TAF1A: variants seen among roughly 807,000 people sequenced by gnomAD.
The protein encoded by TAF1A is TATA box-binding protein-associated factor RNA polymerase I subunit A.
Under a neutral mutation model 61.6 loss-of-function variants are expected in TAF1A, and 42 were observed. The observed-to-expected ratio is 0.68, with a 90% CI of 0.53 to 0.88. TAF1A has a LOEUF of 0.88. Ranked by LOEUF, TAF1A falls within the 40% of genes least tolerant of loss-of-function variation. The probability of loss-of-function intolerance (pLI) is 0.00; values close to 1 mark genes in which losing one functional copy is unlikely to be tolerated. For synonymous variants in TAF1A, 179 were observed against 177.7 expected (o/e 1.01, Z -0.06); for missense variants, 424 against 518.7 (o/e 0.82, Z 1.77).
chr1:222,575,753 C>CTCTTAG (rs1660546362), intron 5 of TAF1A, among the ~76,000 whole-genome samples: 1 of 152,168 alleles, frequency 6.6e-6, no homozygotes, highest in Non-Finnish European at 1.5e-5. Flanking sequence ...GGTGAATGAT[C>CTCTTAG]ATCTAAGAGC....
intron 5 of TAF1A, among the ~76,000 whole-genome samples, chr1:222,571,110 A>C (rs1660331634): frequency 6.6e-6 from 1 of 152,188 alleles, no homozygotes; most frequent in African/African-American, 2.4e-5. Flanking sequence ...TCTAAACCAA[A>C]TCAAAAGAAT....
chr1:222,580,504 C>A (rs934176788), intron 3 of TAF1A, among the ~76,000 whole-genome samples: 2 of 152,152 alleles, frequency 1.3e-5, no homozygotes, highest in Non-Finnish European at 2.9e-5. Flanking sequence ...ATAATACCAA[C>A]TTCAAAGTAA....
At chr1:222,568,181 G>GAA (rs34547178) in intron 7 of TAF1A, among the ~76,000 whole-genome samples, 1 of 119,398 alleles carries the variant, frequency 8.4e-6, no homozygotes. Context: ...AACACATCTA[G>GAA]AAAAAAAAAA....
At chr1:222,563,400 T>C (rs1659991830) in intron 8 of TAF1A, 104 bp from the exon 9 acceptor site, 3 of 1,244,024 alleles carry the variant, frequency 2.4e-6, no homozygotes, top group Non-Finnish European at 3.3e-6. Context: ...TTTACATATA[T>C]GTTGTTGATA....
intron 3 of TAF1A, among the ~76,000 whole-genome samples, chr1:222,583,380 T>C (rs530241102): frequency 5.3e-5 from 8 of 150,106 alleles, no homozygotes; most frequent in Admixed American, 5.3e-4. Flanking sequence ...CATTGAATTG[T>C]ACAATTTAAG....
At chr1:222,555,560 G>C (rs1659715703), downstream of TAF1A, among the ~76,000 whole-genome samples, 1 of 152,100 alleles carries the variant, frequency 6.6e-6, no homozygotes. Context: ...TGAGGGAAGG[G>C]GGAAATGGAG....
intron 5 of TAF1A, among the ~76,000 whole-genome samples, chr1:222,575,544 C>G (rs1175596543): frequency 6.6e-6 from 1 of 152,024 alleles, no homozygotes; most frequent in African/African-American, 2.4e-5. Context: ...GAGACAGATC[C>G]CTGAGTATAA....
intron 10 of TAF1A, 102 bp downstream of exon 10, chr1:222,561,262 T>C: frequency 1.6e-6 from 2 of 1,233,258 alleles, no homozygotes; most frequent in Non-Finnish European, 2.2e-6. Context: ...GCACCTAATA[T>C]TTTTAGGTAC....
chr1:222,589,320 C>CG (rs1661156400), intron 1 of TAF1A, among the ~76,000 whole-genome samples: 2 of 152,218 alleles, frequency 1.3e-5, no homozygotes, highest in African/African-American at 2.4e-5. Context: ...CAGCACTACT[C>CG]TAGTTCAAGA....
intron 6 of TAF1A, among the ~76,000 whole-genome samples, chr1:222,570,046 A>G (rs1427113523): frequency 1.3e-5 from 2 of 152,204 alleles, no homozygotes; most frequent in African/African-American, 2.4e-5. Context: ...CAACACAATT[A>G]TCAACTTGCC....
At chr1:222,557,197 G>A (rs1659740151), downstream of TAF1A, among the ~76,000 whole-genome samples, 1 of 152,170 alleles carries the variant, frequency 6.6e-6, no homozygotes, top group African/African-American at 2.4e-5. Flanking sequence ...AGTCTTCATG[G>A]AACTCAATTA....
At chr1:222,560,521 T>C (rs978136640) in intron 10 of TAF1A, among the ~76,000 whole-genome samples, 4 of 152,180 alleles carry the variant, frequency 2.6e-5, no homozygotes, top group Non-Finnish European at 5.9e-5. Context: ...ATAATTGTGC[T>C]AGATGCCGCT....
rs112748846 is a variant in TAF1A, at chr1:222,560,964, C to T, written c.1240+400G>A. 2.8e-4 allele frequency among the ~76,000 whole-genome samples: 42 copies of T among 152,146 alleles called. No individual in the cohort carries two copies. The East Asian group carries it at 6.2e-3, about 22-fold the overall frequency. ...TCTCTTAAGTGGAGGAAATGTTTCA[C>T]GCTTACAGAAACAGGTAAGTAAATA... On this transcript the variant is annotated intron_variant, in intron 10 of 10. Coordinates refer to ENST00000352967, the MANE Select transcript of TAF1A (RefSeq NM_005681.4).
Position 222,570,677 on chromosome 1 carries a change from TAC to T in TAF1A, c.605-14_605-13del. The T allele has an allele frequency of 1.3e-6, 2 of 1,582,186 alleles. No homozygotes were observed. Among genetic ancestry groups the T allele is most frequent in the Non-Finnish European group, 1.7e-6 (2 of 1,160,488 alleles). On this transcript the variant is annotated splice_polypyrimidine_tract_variant and intron_variant, in intron 5 of 10. Coordinates refer to ENST00000352967, the MANE Select transcript of TAF1A (RefSeq NM_005681.4). ...ATAATCATCCTTATCTGCCCAAAGA[TAC>T]AAGATCTTTTAACATTCATTAAACA...
intron 7 of TAF1A, among the ~76,000 whole-genome samples, chr1:222,564,327 A>C (rs1660034996): frequency 1.3e-5 from 2 of 151,488 alleles, no homozygotes; most frequent in Admixed American, 6.6e-5. Context: ...AAAAAAAAAA[A>C]AAAAAAAAAG....
At chr1:222,562,828 G>A (rs1659968473) in intron 9 of TAF1A, among the ~76,000 whole-genome samples, 1 of 152,082 alleles carries the variant, frequency 6.6e-6, no homozygotes, top group South Asian at 2.1e-4. Context: ...CTTCCCATGT[G>A]ATCTTACAAG....
chr1:222,568,004 A>G (rs1243586088), intron 7 of TAF1A, among the ~76,000 whole-genome samples: 1 of 152,152 alleles, frequency 6.6e-6, no homozygotes, highest in Non-Finnish European at 1.5e-5. Context: ...CTTCATATAC[A>G]GCCTACTGGT....
chr1:222,567,680 C>T (rs1375544154), intron 7 of TAF1A, among the ~76,000 whole-genome samples: 1 of 152,122 alleles, frequency 6.6e-6, no homozygotes, highest in Admixed American at 6.6e-5. Flanking sequence ...TCTATAGATT[C>T]AAAATCTCAG....
chr1:222,565,254 T>C (rs1660069957), intron 7 of TAF1A, among the ~76,000 whole-genome samples: 1 of 152,236 alleles, frequency 6.6e-6, no homozygotes, highest in African/African-American at 2.4e-5. Context: ...GTCAGATCTT[T>C]TCACCAATTC....
Sources: allele counts gnomAD v4.1 joint callset (sites outside exome capture counted in the v4.1 genomes callset), GRCh38; gene constraint gnomAD v4.1.1; transcripts MANE v1.5; gene names NCBI Gene and HGNC (gene_info 2026-07-23, HGNC 2026-07-21).